HPS1: variants seen among roughly 807,000 people sequenced by gnomAD.
The protein encoded by HPS1 is BLOC-3 complex member HPS1.
A neutral mutation model predicts 90.6 loss-of-function variants in HPS1; 59 were observed. That is an observed-to-expected ratio of 0.65 (90% CI 0.53 to 0.81). The LOEUF (loss-of-function observed/expected upper bound fraction) is 0.81. Ranked by LOEUF, HPS1 falls within the 30% of genes least tolerant of loss-of-function variation. HPS1 has a pLI of 0.00. For synonymous variants in HPS1, 388 were observed against 384.4 expected (o/e 1.01, Z -0.11); for missense variants, 849 against 896.7 (o/e 0.95, Z 0.68).
chr10:98,414,914 G>A, downstream of HPS1: 1 of 1,526,388 alleles, frequency 6.6e-7, no homozygotes, highest in Non-Finnish European at 8.9e-7. Context: ...GGAGAGAGCA[G>A]TGGGGCTTGG....
chr10:98,433,696 G>A (rs1175666605), intron 6 of HPS1, among the ~76,000 whole-genome samples: 2 of 152,180 alleles, frequency 1.3e-5, no homozygotes, highest in African/African-American at 2.4e-5. Context: ...GTGGGAAAAG[G>A]AGGGGAGGGT....
chr10:98,434,982 G>C (rs942801), intron 5 of HPS1: 8 of 455,288 alleles, frequency 1.8e-5, no homozygotes, highest in African/African-American at 1.6e-4. Flanking sequence ...AGGATGGAAA[G>C]AGCACTGGAC....
rs573630380 is a variant in HPS1, at chr10:98,420,492, T to C, written c.1744-334A>G. 1.9e-4 allele frequency: 66 copies of C among 353,128 alleles called. No homozygotes were observed. The Admixed American group carries it at 2.4e-3, about 13-fold the overall frequency. The allele number at this position is 353,128 out of a possible 1,614,324, so 21.9% of individuals were successfully genotyped here. A position where few individuals can be genotyped will look rare whatever the true frequency, so the allele number is the denominator to read the frequency against. ...ACTTTGGGAGGCTGAGGTAGGTGGA[T>C]TGCTTGAGCTCAGGAGTTCGAGACC... On this transcript the variant is annotated intron_variant, in intron 17 of 19. Transcript: ENST00000361490.
chr10:98,417,690 G>T lies in HPS1; in HGVS notation c.1977C>A (p.Thr659=). The change falls in exon 20 of 20, where the codon ACC becomes ACA. Residue 659 remains threonine (T), a synonymous_variant. Coordinates refer to ENST00000361490, the MANE Select transcript of HPS1 (RefSeq NM_000195.5). This position sits in a 1 kb window ranked among gnomAD's most constrained non-coding sequence, Gnocchi z 4.2. ...LLRYYSKNRP[T]EAVRCYELLA... Reference sequence around the variant, plus strand: ...GCAGCTCGTAGCACCTGACAGCCTCGGTTGGGCGGTTCTTGCTGTAGTAGC... The same window carrying T: ...GCAGCTCGTAGCACCTGACAGCCTCTGTTGGGCGGTTCTTGCTGTAGTAGC... 6.2e-7 allele frequency: 1 copy of T among 1,613,884 alleles called. No homozygotes were observed.
Position 98,443,262 on chromosome 10 carries a change from AAGGTC to A in HPS1, c.1-27_1-23del, listed in dbSNP as rs1008929825. The A allele has an allele frequency of 3.8e-6, 6 of 1,575,250 alleles. No individual in the cohort carries two copies. In the African/African-American group the frequency reaches 8.1e-5, roughly 21 times the overall value. ...TCATCTGCCAGGGAAAGGCAAGGTC[AAGGTC>A]AGCCTCCAGCCCCAACATCTATGAG... On this transcript the variant is annotated intron_variant, in intron 2 of 19. Transcript: ENST00000361490.
chr10:98,433,616 G>C (rs1480145113), intron 6 of HPS1, among the ~76,000 whole-genome samples: 1 of 152,134 alleles, frequency 6.6e-6, no homozygotes, highest in East Asian at 1.9e-4. Flanking sequence ...TTTGCACTCA[G>C]GGAATCTTGC....
downstream of HPS1, chr10:98,414,045 TGTAC>T (rs917712876): frequency 2.0e-5 from 3 of 151,992 alleles, no homozygotes; most frequent in African/African-American, 7.3e-5. Context: ...TGTATATATA[TGTAC>T]GTAACACATA....
chr10:98,421,999 C>T (rs1366654845), intron 17 of HPS1, among the ~76,000 whole-genome samples: 1 of 150,198 alleles, frequency 6.7e-6, no homozygotes, highest in Non-Finnish European at 1.5e-5. Flanking sequence ...CACACACACA[C>T]ACACACACAC....
At chr10:98,446,192 C>A (rs946979444) in intron 1 of HPS1, among the ~76,000 whole-genome samples, 1 of 151,810 alleles carries the variant, frequency 6.6e-6, no homozygotes, top group Non-Finnish European at 1.5e-5. Flanking sequence ...GTTACGAGTT[C>A]GGCCTTTAGC....
chr10:98,421,313 G>C (rs1281743810), intron 17 of HPS1, among the ~76,000 whole-genome samples: 1 of 152,138 alleles, frequency 6.6e-6, no homozygotes, highest in East Asian at 1.9e-4. Flanking sequence ...TCCATATTGG[G>C]GACATAATCA....
chr10:98,425,206 A>C (rs1354953714), intron 13 of HPS1, among the ~76,000 whole-genome samples: 1 of 152,248 alleles, frequency 6.6e-6, no homozygotes, highest in Admixed American at 6.5e-5. Flanking sequence ...TCCCGACTGC[A>C]CTTGCTCACT....
intron 11 of HPS1, 179 bp downstream of exon 11, chr10:98,427,036 C>T: frequency 1.8e-6 from 1 of 563,518 alleles, no homozygotes; most frequent in East Asian, 3.0e-5. Context: ...ATTCCTGGAC[C>T]CTGCCTCTGG....
rs1315113851 is a variant in HPS1 at position 98,435,452 on chromosome 10, GGGCACTCCCTTCACCTGCCCT to G, written c.256-59_256-39del. On this transcript the variant is annotated intron_variant, in intron 4 of 19. Coordinates refer to ENST00000361490, the MANE Select transcript of HPS1 (RefSeq NM_000195.5). This position sits in a 1 kb window ranked among gnomAD's most constrained non-coding sequence, Gnocchi z 4.3. ...GCAGGCCAGTGTCAGCCAGCCCCAA[GGGCACTCCCTTCACCTGCCCT>G]GGTCTCTGCAGACAAGCCAGGGGAG... 1 of 1,613,414 alleles carries G rather than the reference GGGCACTCCCTTCACCTGCCCT, an allele frequency of 6.2e-7. No individual in the cohort carries two copies.
chr10:98,442,127 G>C (rs534946973), intron 3 of HPS1, among the ~76,000 whole-genome samples: 85 of 152,180 alleles, frequency 5.6e-4, no homozygotes, highest in Non-Finnish European at 6.3e-4. Context: ...TGATACAATA[G>C]ATTACTACTC....
Position 98,425,684 on chromosome 10 carries a change from G to C in HPS1, c.1192C>G (p.Leu398Val). The change falls in exon 13 of 20, where the codon CTG becomes GTG. Residue 398 changes from leucine to valine, a missense_variant. Physicochemically the swap from Leu to Val is conservative, Grantham distance 32 (BLOSUM62 1). Coordinates refer to ENST00000361490, the MANE Select transcript of HPS1 (RefSeq NM_000195.5). ...TCCAGCATGGAGAAGCCATCCATCA[G>C]CTGGGACAGAACCAGGGCCAGGGGC... ...SAPLALVLSQ[L>V]MDGFSMLEKK... 1.2e-6 allele frequency: 2 copies of C among 1,613,328 alleles called. No individual in the cohort carries two copies. Among genetic ancestry groups the C allele is most frequent in the Non-Finnish European group, 8.5e-7 (1 of 1,179,712 alleles).
chr10:98,424,390 G>A lies in HPS1; in HGVS notation c.1336-16C>T. On this transcript the variant is annotated splice_polypyrimidine_tract_variant and intron_variant, in intron 13 of 19. Transcript: ENST00000361490. ...GCCAGGTGCTCTGGAAGGAAGACAG[G>A]GGGCAGGTTTGCATCCCGACCATAT... is the stretch of plus-strand genomic sequence containing the variant. 6.2e-7 allele frequency: 1 copy of A among 1,610,882 alleles called. No individual in the cohort carries two copies. The highest frequency in any genetic ancestry group is 8.5e-7 in the Non-Finnish European group (1 of 1,178,382).
intron 17 of HPS1, among the ~76,000 whole-genome samples, chr10:98,420,916 G>A (rs1161024749): frequency 6.6e-6 from 1 of 152,138 alleles, no homozygotes; most frequent in Non-Finnish European, 1.5e-5. Flanking sequence ...AGGATGTGCT[G>A]AGCCAGGGGG....
rs1415986738 is a variant in HPS1 at position 98,429,272 on chromosome 10, TTTTTAA to T, written c.937+295_937+300del. On this transcript the variant is annotated intron_variant, in intron 10 of 19. Transcript: ENST00000361490. The stretch of plus-strand genomic sequence containing the variant: ...ATGATTATTACTAAATTTAACTTAA[TTTTTAA>T]TTTTAATTACAAAAAAGATGAGTCT... 80 of 1,245,312 alleles carry T rather than the reference TTTTTAA, an allele frequency of 6.4e-5. No homozygotes were observed. The South Asian group carries it at 9.0e-4, about 14-fold the overall frequency. 77.1% of individuals were successfully genotyped at this position (1,245,312 alleles called of 1,614,324 possible).
At chr10:98,432,703 T>A (rs1486711841) in intron 6 of HPS1, among the ~76,000 whole-genome samples, 1 of 152,268 alleles carries the variant, frequency 6.6e-6, no homozygotes, top group African/African-American at 2.4e-5. Flanking sequence ...AAATATTTCA[T>A]AGTTATTTTA....
Sources: gnomAD v4.1 joint callset for allele counts (sites outside exome capture counted in the v4.1 genomes callset) on GRCh38, gnomAD v4.1.1 for gene constraint, Gnocchi (gnomAD v3.1) non-coding constraint, MANE v1.5 for transcripts, NCBI Gene and HGNC (gene_info 2026-07-23, HGNC 2026-07-21) for gene names.